The following KLHL4 variants were observed in gnomAD, a reference collection of about 807,000 sequenced individuals.
KLHL4 encodes the protein kelch-like protein 4.
A neutral mutation model predicts 45.8 loss-of-function variants in KLHL4; 17 were observed. The observed-to-expected ratio is 0.37, with a 90% CI of 0.25 to 0.56. The LOEUF is 0.56. KLHL4 is among the 20% of genes least tolerant of loss of function. The pLI is 0.79. For missense variants in KLHL4, 544 were observed against 544.9 expected (o/e 1.00, Z 0.02); for synonymous variants, 224 against 189.9 (o/e 1.18, Z -1.47).
intron 1 of KLHL4, among the ~76,000 whole-genome samples, chrX:87,609,775 A>G (rs981062280): frequency 2.7e-5 from 3 of 110,946 alleles, no homozygotes; most frequent in African/African-American, 9.8e-5. Context: ...ATTAGATCCC[A>G]TTTGTCAATT....
chrX:87,546,611 C>T (rs1452719532), intron 1 of KLHL4, among the ~76,000 whole-genome samples: 3 of 111,869 alleles, frequency 2.7e-5, no homozygotes, highest in Non-Finnish European at 5.6e-5. Flanking sequence ...AGAAGAGGGA[C>T]ACAGTCCTCC....
rs1178733729 is a variant in KLHL4 at position 87,659,113 on chromosome X, C to CTTTTTTTTTTTTTTTTTTTT, written c.1926-5646_1926-5627dup. The stretch of plus-strand genomic sequence containing the variant: ...TTCATATTTCTTTATTCTTTTCTTT[C>CTTTTTTTTTTTTTTTTTTTT]TTTTTTTTTTTTTTTTTTTTTTTTG... On this transcript the variant is annotated intron_variant, in intron 9 of 10. Coordinates refer to ENST00000373119, the MANE Select transcript of KLHL4 (RefSeq NM_019117.5). Among the ~76,000 whole-genome samples the CTTTTTTTTTTTTTTTTTTTT allele has an allele frequency of 1.6e-4, 7 of 45,097 alleles. 1 individual carries two copies. The highest frequency in any genetic ancestry group is 4.2e-4 in the African/African-American group (4 of 9,542). The allele number at this position is 45,097 out of a possible 115,157, so 39.2% of individuals were successfully genotyped here. A position where few individuals can be genotyped will look rare whatever the true frequency, so the allele number is the denominator to read the frequency against.
chrX:87,522,385 C>T (rs1157016801), intron 1 of KLHL4, among the ~76,000 whole-genome samples: 1 of 112,060 alleles, frequency 8.9e-6, no homozygotes, highest in Non-Finnish European at 1.9e-5. Flanking sequence ...TTGATGCTTA[C>T]TGTGTGCCAA....
intron 8 of KLHL4, among the ~76,000 whole-genome samples, chrX:87,635,038 A>C: frequency 8.9e-6 from 1 of 112,099 alleles, no homozygotes; most frequent in Non-Finnish European, 1.9e-5. Flanking sequence ...CATAGCCAAT[A>C]TCACTTACGA....
chrX:87,625,862 G>T, intron 6 of KLHL4, 66 bp downstream of exon 6: 1 of 888,426 alleles, frequency 1.1e-6, no homozygotes, highest in Admixed American at 3.0e-5. Context: ...AAATTATAAG[G>T]GTGATATTAA....
At chrX:87,628,883 A>T (rs1402747971) in intron 6 of KLHL4, among the ~76,000 whole-genome samples, 8 of 112,139 alleles carry the variant, frequency 7.1e-5, no homozygotes, top group Non-Finnish European at 1.1e-4. Flanking sequence ...TATTTGAAAG[A>T]ATCATTAGAA....
intron 1 of KLHL4, among the ~76,000 whole-genome samples, chrX:87,555,914 T>A (rs2147781955): frequency 9.0e-6 from 1 of 110,656 alleles, no homozygotes; most frequent in Admixed American, 9.7e-5. Flanking sequence ...TTCTGGTATG[T>A]TGTGTCTTTG....
chrX:87,559,358 A>G (rs1320039540), intron 1 of KLHL4, among the ~76,000 whole-genome samples: 3 of 111,757 alleles, frequency 2.7e-5, no homozygotes, highest in Non-Finnish European at 5.6e-5. Flanking sequence ...TTTCTACAAC[A>G]GAAAACCATG....
At chrX:87,664,245 A>G (rs1304606482) in intron 9 of KLHL4, among the ~76,000 whole-genome samples, 1 of 111,884 alleles carries the variant, frequency 8.9e-6, no homozygotes, top group Non-Finnish European at 1.9e-5. Context: ...GCAGGGAAAA[A>G]CACAGGATAA....
Position 87,668,636 on chromosome X carries a change from T to C in KLHL4, c.*2102T>C, listed in dbSNP as rs754930481. On this transcript the variant is annotated 3_prime_UTR_variant, in exon 11 of 11. Coordinates refer to ENST00000373119, the MANE Select transcript of KLHL4 (RefSeq NM_019117.5). ...GCCATGAGGTCTGTGCCCTCCTGAA[T>C]GGATTAATCCATTCATGGATTAATG... 5.9e-6 allele frequency: 1 copy of C among 168,307 alleles called. No individual in the cohort carries two copies. Among genetic ancestry groups the C allele is most frequent in the South Asian group, 2.8e-4 (1 of 3,525 alleles). 13.9% of individuals were successfully genotyped at this position (168,307 alleles called of 1,213,427 possible).
At chrX:87,614,918 T>G (rs771542476) in intron 3 of KLHL4, among the ~76,000 whole-genome samples, 217 of 110,891 alleles carry the variant, frequency 2.0e-3, no homozygotes, top group African/African-American at 6.8e-3. Flanking sequence ...AAAAGTAGAG[T>G]TGGGAATGGG....
intron 1 of KLHL4, among the ~76,000 whole-genome samples, chrX:87,613,185 T>C (rs1922441121): frequency 8.9e-6 from 1 of 111,917 alleles, no homozygotes; most frequent in South Asian, 3.7e-4. Context: ...AATAATTAAG[T>C]GCATTCATCT....
chrX:87,633,192 AC>A (rs1314723088), intron 7 of KLHL4, among the ~76,000 whole-genome samples: 36 of 111,626 alleles, frequency 3.2e-4, no homozygotes, highest in African/African-American at 7.5e-4. Context: ...GGGGAAAAAA[AC>A]AATTATGTAA....
chrX:87,532,325 TG>T (rs1931310877), intron 1 of KLHL4, among the ~76,000 whole-genome samples: 1 of 111,234 alleles, frequency 9.0e-6, no homozygotes, highest in Non-Finnish European at 1.9e-5. Flanking sequence ...CATGCTGTTT[TG>T]GTTACTGTAA....
At chrX:87,617,625 G>A (rs1218792033) in intron 3 of KLHL4, among the ~76,000 whole-genome samples, 1 of 111,829 alleles carries the variant, frequency 8.9e-6, no homozygotes, top group African/African-American at 3.2e-5. Context: ...AATGTGAAAT[G>A]ATTAATATAA....
chrX:87,615,572 A>G (rs1922530692), intron 3 of KLHL4, among the ~76,000 whole-genome samples: 1 of 111,347 alleles, frequency 9.0e-6, no homozygotes, highest in Non-Finnish European at 1.9e-5. Context: ...AGTAGAAACA[A>G]CCCAAATGTT....
chrX:87,542,893 G>A (rs746530754), intron 1 of KLHL4, among the ~76,000 whole-genome samples: 1 of 111,584 alleles, frequency 9.0e-6, no homozygotes, highest in Non-Finnish European at 1.9e-5. Flanking sequence ...GATATTGTTT[G>A]GTTCAATGTC....
chrX:87,645,675 A>G (rs1451225497), intron 9 of KLHL4, among the ~76,000 whole-genome samples: 2 of 111,945 alleles, frequency 1.8e-5, no homozygotes, highest in Non-Finnish European at 3.8e-5. Context: ...CAACAAGTGG[A>G]TAAAGAAACT....
chrX:87,576,108 T>C (rs779325936), intron 1 of KLHL4, among the ~76,000 whole-genome samples: 25 of 111,413 alleles, frequency 2.2e-4, no homozygotes, highest in Non-Finnish European at 4.5e-4. Flanking sequence ...TACAATACTA[T>C]GATATTGGAA....
Sources: gnomAD v4.1 joint callset for allele counts (sites outside exome capture counted in the v4.1 genomes callset) on GRCh38, gnomAD v4.1.1 for gene constraint, MANE v1.5 for transcripts, NCBI Gene and HGNC (gene_info 2026-07-23, HGNC 2026-07-21) for gene names.